EYA1: variants seen among roughly 807,000 people sequenced by gnomAD.
EYA1 encodes protein phosphatase EYA1.
EYA1 carries 16 observed loss-of-function variants against 82.0 expected under a neutral mutation model. The ratio of observed to expected loss-of-function variants is 0.20; its 90% CI spans 0.13 to 0.30. The LOEUF (loss-of-function observed/expected upper bound fraction) is 0.30, where lower values mean the gene tolerates loss of function less well. Ranked by LOEUF, EYA1 falls within the 10% of genes least tolerant of loss-of-function variation. EYA1 has a pLI of 1.00. For missense variants in EYA1, 633 were observed against 730.7 expected, an observed-to-expected ratio of 0.87 and a Z score of 1.54; for synonymous variants, 261 against 264.4, an observed-to-expected ratio of 0.99 and a Z score of 0.12.
At chr8:71,540,846 C>A (rs1815082078) in intron 1 of EYA1, among the ~76,000 whole-genome samples, 1 of 152,134 alleles carries the variant, frequency 6.6e-6, no homozygotes, top group African/African-American at 2.4e-5. Context: ...CAGAAGGAAA[C>A]TAGTGACTGA....
intron 11 of EYA1, among the ~76,000 whole-genome samples, chr8:71,248,302 AG>A (rs1325448597): frequency 1.3e-5 from 2 of 152,252 alleles, no homozygotes; most frequent in African/African-American, 4.8e-5. Flanking sequence ...ATTTTAGAAT[AG>A]GAAGGGGGTT....
At chr8:71,530,028 C>T (rs1180766290) in intron 2 of EYA1, 1 of 152,082 alleles carries the variant, frequency 6.6e-6, no homozygotes, top group Non-Finnish European at 1.5e-5. Context: ...TTGTATCTCT[C>T]CAGAAACAAT....
intron 2 of EYA1, among the ~76,000 whole-genome samples, chr8:71,533,519 C>A (rs34909601): frequency 0.13 from 20,458 of 152,224 alleles, 1,677 homozygotes; most frequent in Non-Finnish European, 0.18. Flanking sequence ...GGACTCTTTT[C>A]AATTCCTTAA....
intron 16 of EYA1, 59 bp downstream of exon 16, chr8:71,215,328 G>T: frequency 6.4e-7 from 1 of 1,563,356 alleles, no homozygotes; most frequent in Non-Finnish European, 8.8e-7. Flanking sequence ...ATTGCCTTTC[G>T]TTTTTATTAT....
chr8:71,257,478 C>G (rs977145012), intron 11 of EYA1, among the ~76,000 whole-genome samples: 17 of 152,170 alleles, frequency 1.1e-4, no homozygotes, highest in African/African-American at 4.1e-4. Context: ...GCAAGCCATA[C>G]TTTTAAAATG....
At chr8:71,508,260 AGGGGTTTTGG>A (rs2129246674) in intron 2 of EYA1, among the ~76,000 whole-genome samples, 1 of 152,238 alleles carries the variant, frequency 6.6e-6, no homozygotes, top group South Asian at 2.1e-4. Context: ...AACAAACTAG[AGGGGTTTTGG>A]GGGGTTTTGT....
chr8:71,206,162 A>G (rs564837067), intron 17 of EYA1, among the ~76,000 whole-genome samples: 1 of 152,142 alleles, frequency 6.6e-6, no homozygotes, highest in Non-Finnish European at 1.5e-5. Flanking sequence ...AAACCATGTA[A>G]ATTCTTTTTT....
intron 2 of EYA1, among the ~76,000 whole-genome samples, chr8:71,423,863 C>T (rs544076459): frequency 1.3e-4 from 20 of 152,162 alleles, no homozygotes; most frequent in African/African-American, 4.6e-4. Flanking sequence ...TAGGCAAGAC[C>T]TGAAGACAAC....
At chr8:71,230,559 A>C (rs1262160994) in intron 12 of EYA1, among the ~76,000 whole-genome samples, 1 of 152,220 alleles carries the variant, frequency 6.6e-6, no homozygotes, top group Admixed American at 6.5e-5. Context: ...GAAGCCAGTC[A>C]GGGTTGACTG....
chr8:71,269,556 A>C (rs1300644851), intron 11 of EYA1, among the ~76,000 whole-genome samples, 184 bp downstream of exon 11: 3 of 152,250 alleles, frequency 2.0e-5, no homozygotes, highest in Non-Finnish European at 4.4e-5. Flanking sequence ...CAAAGACCTA[A>C]AAATAATATC....
At chr8:71,248,951 A>AT (rs1813427172) in intron 11 of EYA1, among the ~76,000 whole-genome samples, 2 of 152,192 alleles carry the variant, frequency 1.3e-5, no homozygotes. Context: ...TAATCTTACT[A>AT]TTTTTATAAT....
chr8:71,279,858 G>A lies in EYA1; in HGVS notation c.827-7961C>T, dbSNP rs1035902778. Among the ~76,000 whole-genome samples, 8 of 152,230 alleles carry A rather than the reference G, an allele frequency of 5.3e-5. No homozygotes were observed. The East Asian group carries it at 1.5e-3, about 29-fold the overall frequency. On this transcript the variant is annotated intron_variant, in intron 9 of 17. Coordinates refer to ENST00000340726, the MANE Select transcript of EYA1 (RefSeq NM_000503.6). The stretch of plus-strand genomic sequence containing the variant: ...TTCTCCTTTTTTGTGTGTGTGTGGA[G>A]GGGAGAGTTCCTATACCCTAGAGCA...
intron 2 of EYA1, among the ~76,000 whole-genome samples, chr8:71,378,026 T>C (rs1379346890): frequency 6.6e-6 from 1 of 152,120 alleles, no homozygotes; most frequent in Non-Finnish European, 1.5e-5. Flanking sequence ...AACACCAGGC[T>C]CTCTCCAACA....
intron 9 of EYA1, among the ~76,000 whole-genome samples, chr8:71,281,615 A>T (rs966675014): frequency 1.3e-5 from 2 of 152,200 alleles, no homozygotes; most frequent in South Asian, 4.1e-4. Flanking sequence ...GCTGACTGTG[A>T]TTCTTGCATC....
chr8:71,465,068 T>C (rs1403362021), intron 2 of EYA1, among the ~76,000 whole-genome samples: 2 of 152,234 alleles, frequency 1.3e-5, no homozygotes. Flanking sequence ...CAATTTCATT[T>C]ATTTTTCAAA....
In EYA1 at chr8:71,258,080, G is replaced by A. The variant is rs1814655399; in HGVS notation, c.1050+11660C>T. The stretch of plus-strand genomic sequence containing the variant: ...CAGTTTTACCCTTAGTGGATTTAGA[G>A]TGGCATTAGTTTAGAATAGTTTTAC... On this transcript the variant is annotated intron_variant, in intron 11 of 17. Transcript: ENST00000340726. 2.6e-5 allele frequency among the ~76,000 whole-genome samples: 4 copies of A among 152,126 alleles called. No individual in the cohort carries two copies. In the South Asian group the frequency reaches 8.3e-4, roughly 32 times the overall value.
chr8:71,339,965 TATAA>T (rs1226783506), intron 3 of EYA1, among the ~76,000 whole-genome samples: 1 of 152,196 alleles, frequency 6.6e-6, no homozygotes, highest in Non-Finnish European at 1.5e-5. Flanking sequence ...GGCCACACTC[TATAA>T]TTTCCACCAC....
chr8:71,427,042 G>A (rs114647522), intron 2 of EYA1, among the ~76,000 whole-genome samples: 2,466 of 152,316 alleles, frequency 0.016, 70 homozygotes, highest in African/African-American at 0.057. Flanking sequence ...AGATATAGGT[G>A]ATTTCTAACA....
intron 7 of EYA1, among the ~76,000 whole-genome samples, chr8:71,311,647 A>G (rs980929003): frequency 6.6e-6 from 1 of 152,272 alleles, no homozygotes; most frequent in Non-Finnish European, 1.5e-5. Context: ...ATGAATAAGC[A>G]AAGATTTCAC....
Sources: gnomAD v4.1 joint callset for allele counts (sites outside exome capture counted in the v4.1 genomes callset) on GRCh38, gnomAD v4.1.1 for gene constraint, MANE v1.5 for transcripts, NCBI Gene and HGNC (gene_info 2026-07-23, HGNC 2026-07-21) for gene names.